Variants in PRR11 observed in about 807,000 individuals in gnomAD.
The protein encoded by PRR11 is proline-rich protein 11.
PRR11 carries 30 observed loss-of-function variants against 45.6 expected under a neutral mutation model. That is an observed-to-expected ratio of 0.66 (90% CI 0.49 to 0.89). The LOEUF is 0.89. Among genes scored for constraint, PRR11 ranks in the 40% least tolerant of loss-of-function variants. PRR11 has a pLI of 0.00. For missense variants in PRR11, 373 were observed against 424.8 expected, an observed-to-expected ratio of 0.88 and a Z score of 1.07; for synonymous variants, 128 against 153.5, an observed-to-expected ratio of 0.83 and a Z score of 1.23.
At chr17:59,182,136 T>A (rs1420215321) in intron 2 of PRR11, among the ~76,000 whole-genome samples, 2 of 151,910 alleles carry the variant, frequency 1.3e-5, no homozygotes, top group Admixed American at 6.6e-5. Context: ...CCAGTTATTC[T>A]CATGCCTCAG....
intron 6 of PRR11, among the ~76,000 whole-genome samples, 159 bp from the exon 7 acceptor site, chr17:59,195,172 A>C (rs1367849037): frequency 1.3e-5 from 2 of 152,198 alleles, no homozygotes; most frequent in Admixed American, 1.3e-4. Context: ...TAGTCTGAAG[A>C]GGTAGAGACA....
intron 1 of PRR11, among the ~76,000 whole-genome samples, chr17:59,167,764 G>A (rs558751048): frequency 6.5e-4 from 99 of 152,260 alleles, no homozygotes; most frequent in African/African-American, 2.3e-3. Flanking sequence ...TGGTGGGAGT[G>A]TCTTTTAGCA....
chr17:59,177,007 T>C lies in PRR11; in HGVS notation c.128+7127T>C, dbSNP rs528120109. On this transcript the variant is annotated intron_variant, in intron 2 of 9. Coordinates refer to ENST00000262293, the MANE Select transcript of PRR11 (RefSeq NM_018304.4). ...CCACCGCGCCCAGCCTGAGTTTCTTTTTAGAAACAGCAGTCTAAAAACAAG... is the reference window on the plus strand; with the variant it reads ...CCACCGCGCCCAGCCTGAGTTTCTTCTTAGAAACAGCAGTCTAAAAACAAG... 2.6e-5 allele frequency among the ~76,000 whole-genome samples: 4 copies of C among 152,258 alleles called. No homozygotes were observed. The East Asian group carries it at 7.7e-4, about 29-fold the overall frequency.
rs2046898429 is a variant in PRR11, at chr17:59,202,619, ACTTATATCT to A, written c.*989_*997del. The stretch of plus-strand genomic sequence containing the variant: ...ATCATTTCTAGCATCTTAGGTAGGT[ACTTATATCT>A]GGCTTACAGAAGTCTAAGGTATTCC... On this transcript the variant is annotated 3_prime_UTR_variant, in exon 10 of 10. Coordinates refer to ENST00000262293, the MANE Select transcript of PRR11 (RefSeq NM_018304.4). 6.6e-6 allele frequency: 1 copy of A among 152,214 alleles called. No homozygotes were observed. The highest frequency in any genetic ancestry group is 6.5e-5 in the Admixed American group (1 of 15,284). 9.4% of individuals were successfully genotyped at this position (152,214 alleles called of 1,614,324 possible).
intron 1 of PRR11, among the ~76,000 whole-genome samples, chr17:59,162,726 CTT>C (rs34124387): frequency 7.7e-5 from 9 of 117,284 alleles, no homozygotes; most frequent in Admixed American, 9.2e-5. Context: ...CTTTCTCTCC[CTT>C]TTTTTTTTTT....
chr17:59,198,503 G>A (rs969754874), intron 9 of PRR11, among the ~76,000 whole-genome samples: 3 of 152,076 alleles, frequency 2.0e-5, no homozygotes, highest in Non-Finnish European at 2.9e-5. Context: ...GTGAAACCCC[G>A]TCTCTACCCC....
chr17:59,199,433 C>A (rs1342643911), intron 9 of PRR11, among the ~76,000 whole-genome samples: 2 of 152,098 alleles, frequency 1.3e-5, no homozygotes, highest in Non-Finnish European at 2.9e-5. Flanking sequence ...AGGAGTCAGA[C>A]CCTGCAGAGT....
chr17:59,197,831 A>G lies in PRR11; in HGVS notation c.1014+42A>G, dbSNP rs770723354. The G allele has an allele frequency of 2.5e-6, 4 of 1,577,802 alleles. No homozygotes were observed. The South Asian group carries it at 4.4e-5, about 17-fold the overall frequency. On this transcript the variant is annotated intron_variant, in intron 9 of 9. Transcript: ENST00000262293. ...AGAATATTGGTTCCTTTGCTTGAAA[A>G]TAATTTGGCCTGGTGTGGTGGCTCA...
chr17:59,169,527 C>T (rs1555715343), intron 1 of PRR11, among the ~76,000 whole-genome samples: 1 of 152,018 alleles, frequency 6.6e-6, no homozygotes, highest in Non-Finnish European at 1.5e-5. Flanking sequence ...TAATATAATG[C>T]CAAGACCAAG....
rs2046904009 is a variant in PRR11 at position 59,203,729 on chromosome 17, G to T, written c.*2098G>T. The T allele has an allele frequency of 6.6e-6, 1 of 151,336 alleles. No homozygotes were observed. Among genetic ancestry groups the T allele is most frequent in the South Asian group, 2.1e-4 (1 of 4,788 alleles). 9.4% of individuals were successfully genotyped at this position (151,336 alleles called of 1,614,324 possible). On this transcript the variant is annotated 3_prime_UTR_variant, in exon 10 of 10. Transcript: ENST00000262293. The stretch of plus-strand genomic sequence containing the variant: ...CAAAATTAGCCAGGTGTGGTGTCAC[G>T]CACCTGTAGTCCCAGTTACTTGAAC...
intron 4 of PRR11, among the ~76,000 whole-genome samples, chr17:59,189,083 G>T (rs1458382394): frequency 6.6e-6 from 1 of 151,698 alleles, no homozygotes; most frequent in Non-Finnish European, 1.5e-5. Context: ...TGGATCACTT[G>T]AGGTCAGGAG....
In PRR11 at chr17:59,178,109, G is replaced by A. The variant is rs116605742; in HGVS notation, c.129-6945G>A. ...AGCATTTTGGGAGGCCAAGGCAAGC[G>A]GAACACCTGAGGTCAGGTGTTCAAG... On this transcript the variant is annotated intron_variant, in intron 2 of 9. Transcript: ENST00000262293. Among the ~76,000 whole-genome samples, 1,014 of 151,962 alleles carry A rather than the reference G, an allele frequency of 6.7e-3. 9 individuals carry two copies. The highest frequency in any genetic ancestry group is 0.022 in the African/African-American group (928 of 41,414).
At chr17:59,189,266 C>T (rs2046829653) in intron 4 of PRR11, among the ~76,000 whole-genome samples, 1 of 151,392 alleles carries the variant, frequency 6.6e-6, no homozygotes, top group Non-Finnish European at 1.5e-5. Flanking sequence ...TGCCACTGCA[C>T]TCAAATCTGG....
At position 59,160,841 on chromosome 17, in the gene PRR11, C is replaced by T. The variant is rs1034149244; in HGVS notation, c.-6+5036C>T. ...CTCAAGCTCCTGTGCTCACGTGAGC[C>T]TCCCGCCTCACCCTTCAGAGTGGCT... On this transcript the variant is annotated intron_variant, in intron 1 of 9. Transcript: ENST00000262293. 5.9e-5 allele frequency: 9 copies of T among 151,996 alleles called. No homozygotes were observed. The East Asian group carries it at 1.7e-3, about 29-fold the overall frequency. The allele number at this position is 151,996 out of a possible 1,614,324, so 9.4% of individuals were successfully genotyped here.
intron 4 of PRR11, among the ~76,000 whole-genome samples, chr17:59,192,483 C>A (rs540673919): frequency 5.9e-5 from 9 of 151,988 alleles, no homozygotes; most frequent in African/African-American, 1.9e-4. Context: ...AACAAAATAC[C>A]ACAGGCTGGG....
Position 59,195,448 on chromosome 17 carries a change from G to C in PRR11, c.857+5G>C. 2 of 1,549,640 alleles carry C rather than the reference G, an allele frequency of 1.3e-6. No homozygotes were observed. ...TCGAGTTACAAACGTCTTAATGTAA[G>C]GAACTGCACAGTACTATGCTCTACT... On this transcript the variant is annotated splice_donor_5th_base_variant and intron_variant, in intron 7 of 9. Transcript: ENST00000262293.
At chr17:59,194,629 T>C in intron 5 of PRR11, 128 bp from the exon 6 acceptor site, 1 of 589,420 alleles carries the variant, frequency 1.7e-6, no homozygotes, top group Non-Finnish European at 3.0e-6. Context: ...GTAGAAAGAA[T>C]ATGACAGGTT....
intron 2 of PRR11, chr17:59,180,002 A>G: frequency 9.7e-7 from 1 of 1,026,658 alleles, no homozygotes; most frequent in Non-Finnish European, 1.4e-6. Context: ...TCTCCAAGCC[A>G]TCTTTCCGTC....
intron 1 of PRR11, among the ~76,000 whole-genome samples, chr17:59,158,628 GTA>G (rs1338672990): frequency 6.6e-6 from 1 of 152,166 alleles, no homozygotes; most frequent in Non-Finnish European, 1.5e-5. Context: ...TAGGTGAACT[GTA>G]TATGAGTGCT....
Sources: gnomAD v4.1 joint callset for allele counts (sites outside exome capture counted in the v4.1 genomes callset) on GRCh38, gnomAD v4.1.1 for gene constraint, MANE v1.5 for transcripts, NCBI Gene and HGNC (gene_info 2026-07-23, HGNC 2026-07-21) for gene names.